The following RYR3 variants were observed in gnomAD, a reference collection of about 807,000 sequenced individuals.
The protein encoded by RYR3 is brain ryanodine receptor-calcium release channel.
Under a neutral mutation model 584.3 loss-of-function variants are expected in RYR3, and 207 were observed. The ratio of observed to expected loss-of-function variants is 0.35; its 90% CI spans 0.32 to 0.40. The LOEUF is 0.40. Among genes scored for constraint, RYR3 ranks in the 10% least tolerant of loss-of-function variants. The probability of loss-of-function intolerance (pLI) is 1.00; values close to 1 mark genes in which losing one functional copy is unlikely to be tolerated. For missense variants in RYR3, 5,616 were observed against 6,089.2 expected, an observed-to-expected ratio of 0.92 and a Z score of 2.59; for synonymous variants, 2,416 against 2,248.5, an observed-to-expected ratio of 1.07 and a Z score of -2.11.
At chr15:33,654,358 T>C (rs1452515382) in intron 32 of RYR3, among the ~76,000 whole-genome samples, 1 of 151,750 alleles carries the variant, frequency 6.6e-6, no homozygotes, top group African/African-American at 2.4e-5. Context: ...TTACAAAAAA[T>C]AGAAAAATTA....
Position 33,700,979 on chromosome 15 carries a change from T to C in RYR3, c.6382T>C (p.Ser2128Pro), listed in dbSNP as rs1253379559. The C allele has an allele frequency of 6.2e-7, 1 of 1,610,888 alleles. No individual in the cohort carries two copies. The highest frequency in any genetic ancestry group is 1.7e-5 in the Admixed American group (1 of 59,842). ...LLENSSVGLA[S>P]PSMRGSTPLD... ...CTAATTCTCCCCTCCTCCCTCAGCC[T>C]CCCCGTCGATGAGGGGATCCACCCC... is the stretch of plus-strand genomic sequence containing the variant. The change falls in exon 42 of 104, where the codon TCC becomes CCC. Residue 2128 changes from serine (S) to proline (P), a missense_variant and splice_region_variant. Around this residue, in one of 9 missense-constraint regions of RYR3, gnomAD observed 1,280 missense variants for 1,426.2 expected, o/e 0.90. Coordinates refer to ENST00000634891, the MANE Select transcript of RYR3 (RefSeq NM_001036.6).
At chr15:33,643,737 T>A (rs1478113194) in intron 27 of RYR3, among the ~76,000 whole-genome samples, 2 of 152,338 alleles carry the variant, frequency 1.3e-5, no homozygotes, top group East Asian at 1.9e-4. Context: ...TCATCCTTTT[T>A]TTATTTTAAA....
intron 1 of RYR3, among the ~76,000 whole-genome samples, chr15:33,439,178 C>T (rs2045998187): frequency 6.6e-6 from 1 of 152,032 alleles, no homozygotes; most frequent in African/African-American, 2.4e-5. Flanking sequence ...ACATGTTGAT[C>T]TTGGAACTAG....
chr15:33,539,650 A>C (rs2055643157), intron 6 of RYR3, among the ~76,000 whole-genome samples, 188 bp downstream of exon 6: 1 of 152,130 alleles, frequency 6.6e-6, no homozygotes, highest in Non-Finnish European at 1.5e-5. Context: ...TTAAAGTGTA[A>C]CTTTCGACTC....
At chr15:33,827,833 G>A (rs915039323) in intron 85 of RYR3, among the ~76,000 whole-genome samples, 1 of 152,180 alleles carries the variant, frequency 6.6e-6, no homozygotes, top group Non-Finnish European at 1.5e-5. Flanking sequence ...TGTTTAATGT[G>A]CCTGTGTTCC....
chr15:33,531,647 ATT>A (rs5811767), intron 4 of RYR3, among the ~76,000 whole-genome samples: 6 of 137,622 alleles, frequency 4.4e-5, no homozygotes, highest in African/African-American at 1.0e-4. Flanking sequence ...ATATATATAT[ATT>A]TTTTTTTCTG....
At chr15:33,485,513 C>T (rs953139953) in intron 2 of RYR3, among the ~76,000 whole-genome samples, 4 of 152,142 alleles carry the variant, frequency 2.6e-5, no homozygotes, top group African/African-American at 9.7e-5. Context: ...GTGTTAAGAA[C>T]AGAGACAAGG....
intron 2 of RYR3, among the ~76,000 whole-genome samples, chr15:33,474,578 C>A (rs1201390355): frequency 6.6e-6 from 1 of 152,236 alleles, no homozygotes; most frequent in African/African-American, 2.4e-5. Context: ...AAAATACCTT[C>A]ACATCAAAAC....
At chr15:33,411,427 C>A (rs891655544) in intron 1 of RYR3, among the ~76,000 whole-genome samples, 3 of 152,100 alleles carry the variant, frequency 2.0e-5, no homozygotes, top group Non-Finnish European at 4.4e-5. Flanking sequence ...TCTATACGTT[C>A]TTTTCATATT....
intron 1 of RYR3, among the ~76,000 whole-genome samples, chr15:33,375,793 A>G (rs1277603715): frequency 6.6e-6 from 1 of 152,214 alleles, no homozygotes; most frequent in Non-Finnish European, 1.5e-5. Flanking sequence ...GGCCAGGCGC[A>G]GTGGCTCATG....
At chr15:33,839,113 C>G (rs1027210106) in intron 89 of RYR3, among the ~76,000 whole-genome samples, 155 bp downstream of exon 89, 1 of 152,220 alleles carries the variant, frequency 6.6e-6, no homozygotes, top group Non-Finnish European at 1.5e-5. Flanking sequence ...AATTCCACCT[C>G]TGACATGTCT....
At chr15:33,827,650 G>A (rs1371680836) in intron 85 of RYR3, among the ~76,000 whole-genome samples, 1 of 152,176 alleles carries the variant, frequency 6.6e-6, no homozygotes, top group East Asian at 1.9e-4. Flanking sequence ...CGAGATGATA[G>A]GAATAGGATG....
chr15:33,626,645 T>A (rs2061005191), intron 20 of RYR3, among the ~76,000 whole-genome samples: 2 of 152,162 alleles, frequency 1.3e-5, no homozygotes, highest in African/African-American at 4.8e-5. Flanking sequence ...AATGATTTTC[T>A]GGGCTGGGCC....
At chr15:33,313,497 A>C (rs1029459878) in intron 1 of RYR3, among the ~76,000 whole-genome samples, 2 of 152,166 alleles carry the variant, frequency 1.3e-5, no homozygotes, top group African/African-American at 2.4e-5. Context: ...ATCTCTGCAC[A>C]AAATTTTGAC....
intron 87 of RYR3, 28 bp downstream of exon 87, chr15:33,835,100 C>T (rs771286303): frequency 3.3e-6 from 5 of 1,529,952 alleles, no homozygotes; most frequent in Non-Finnish European, 2.7e-6. Flanking sequence ...CTGCACGTGT[C>T]ATTGTTGTGA....
intron 5 of RYR3, 132 bp downstream of exon 5, chr15:33,533,521 A>T: frequency 1.6e-6 from 1 of 613,652 alleles, no homozygotes. Flanking sequence ...CTGAAAAAAA[A>T]TTGCAGAATA....
Position 33,838,216 on chromosome 15 carries a change from A to G in RYR3, c.12236A>G (p.Gln4079Arg), listed in dbSNP as rs771211364. 27 of 1,613,924 alleles carry G rather than the reference A, an allele frequency of 1.7e-5. No homozygotes were observed. Among genetic ancestry groups the G allele is most frequent in the Admixed American group, 3.3e-5 (2 of 60,006 alleles). Residue 4079 changes from glutamine (Q) to arginine (R), a missense_variant, in exon 89 of 104, where the codon CAG (glutamine) becomes CGG (arginine). Transcript: ENST00000634891. The stretch of plus-strand genomic sequence containing the variant: ...GATGTTGTCAATGAAGGTGGGGAGC[A>G]GGAAAAGATGGAGCTGTTTGTGAAC... ...IFDVVNEGGE[Q>R]EKMELFVNFC...
At chr15:33,796,607 G>C (rs2075641243) in intron 67 of RYR3, among the ~76,000 whole-genome samples, 1 of 152,102 alleles carries the variant, frequency 6.6e-6, no homozygotes, top group Admixed American at 6.5e-5. Flanking sequence ...GTACAGTTTT[G>C]TTACATAGGT....
chr15:33,529,268 G>A (rs537263518), intron 3 of RYR3, among the ~76,000 whole-genome samples: 106 of 152,236 alleles, frequency 7.0e-4, no homozygotes, highest in Middle Eastern at 6.8e-3. Context: ...TTTAGTTACC[G>A]GCTTTTTTGG....
Sources: gnomAD v4.1 joint callset for allele counts (sites outside exome capture counted in the v4.1 genomes callset) on GRCh38, gnomAD v4.1.1 for gene constraint, gnomAD v4.1.1 regional missense constraint, MANE v1.5 for transcripts, NCBI Gene and HGNC (gene_info 2026-07-23, HGNC 2026-07-21) for gene names.